DTNB: variants seen among roughly 807,000 people sequenced by gnomAD.
DTNB encodes the protein DTN-B.
DTNB carries 63 observed loss-of-function variants against 90.7 expected under a neutral mutation model. The observed-to-expected ratio is 0.69, with a 90% CI of 0.57 to 0.86. The LOEUF is 0.86. DTNB is among the 40% of genes least tolerant of loss of function. The pLI, the probability that DTNB is intolerant of heterozygous loss-of-function variation, is 0.00. For missense variants in DTNB, 744 were observed against 807.1 expected, an observed-to-expected ratio of 0.92 and a Z score of 0.95; for synonymous variants, 277 against 286.7, an observed-to-expected ratio of 0.97 and a Z score of 0.34.
chr2:25,576,122 T>C (rs1227941189), intron 8 of DTNB, among the ~76,000 whole-genome samples: 4 of 151,962 alleles, frequency 2.6e-5, no homozygotes, highest in Non-Finnish European at 5.9e-5. Flanking sequence ...ATTTAAACCC[T>C]ATAAAAGTGA....
chr2:25,541,434 A>G, intron 8 of DTNB, among the ~76,000 whole-genome samples: 1 of 152,194 alleles, frequency 6.6e-6, no homozygotes, highest in Non-Finnish European at 1.5e-5. Flanking sequence ...GTGAGCTGAG[A>G]TCACACCACC....
intron 5 of DTNB, among the ~76,000 whole-genome samples, chr2:25,597,666 T>C (rs989477593): frequency 1.3e-5 from 2 of 152,110 alleles, no homozygotes; most frequent in Non-Finnish European, 2.9e-5. Flanking sequence ...TAAATACCCA[T>C]ATGGGGGAAA....
At chr2:25,502,978 C>T (rs1575160261) in intron 9 of DTNB, among the ~76,000 whole-genome samples, 2 of 138,740 alleles carry the variant, frequency 1.4e-5, no homozygotes, top group Admixed American at 7.8e-5. Flanking sequence ...CACCTGAGCC[C>T]GGGAGGGCAA....
intron 19 of DTNB, among the ~76,000 whole-genome samples, chr2:25,381,057 A>C (rs2149493357): frequency 6.6e-6 from 1 of 152,326 alleles, no homozygotes. Flanking sequence ...GGTGGAGTGA[A>C]AAGGACTGAG....
chr2:25,555,113 G>A (rs1362914959), intron 8 of DTNB, among the ~76,000 whole-genome samples: 4 of 151,868 alleles, frequency 2.6e-5, no homozygotes, highest in Non-Finnish European at 5.9e-5. Flanking sequence ...TGGCTAACAC[G>A]ATGAAACCCT....
intron 18 of DTNB, among the ~76,000 whole-genome samples, chr2:25,385,728 C>A (rs2039288093): frequency 6.6e-6 from 1 of 152,226 alleles, no homozygotes; most frequent in African/African-American, 2.4e-5. Flanking sequence ...AATTACACTA[C>A]ATAATTTTGT....
chr2:25,497,778 A>C (rs2150529567), intron 9 of DTNB: 1 of 152,262 alleles, frequency 6.6e-6, no homozygotes, highest in South Asian at 2.1e-4. Flanking sequence ...TCATGTAGTC[A>C]ATAGCTCCTA....
intron 9 of DTNB, among the ~76,000 whole-genome samples, chr2:25,504,618 G>C (rs1376995976): frequency 1.3e-5 from 2 of 148,928 alleles, no homozygotes; most frequent in African/African-American, 4.9e-5. Flanking sequence ...GGAAGGAAAA[G>C]ATGGAAGGAA....
intron 8 of DTNB, among the ~76,000 whole-genome samples, chr2:25,532,705 A>G (rs1351853278): frequency 6.6e-6 from 1 of 152,198 alleles, no homozygotes; most frequent in Non-Finnish European, 1.5e-5. Context: ...CTGTTATCTG[A>G]GATTTTCTTG....
chr2:25,421,011 A>G (rs953636944), intron 15 of DTNB: 1 of 152,156 alleles, frequency 6.6e-6, no homozygotes, highest in Non-Finnish European at 1.5e-5. Context: ...GTGGTCAGGG[A>G]GACTCAGCTC....
At chr2:25,377,886 C>A (rs962271892) in intron 20 of DTNB, among the ~76,000 whole-genome samples, 1 of 152,190 alleles carries the variant, frequency 6.6e-6, no homozygotes, top group Admixed American at 6.5e-5. Flanking sequence ...CAGCCCCCGG[C>A]CAGCAGAGCG....
chr2:25,493,603 C>A (rs1204606317), intron 9 of DTNB, among the ~76,000 whole-genome samples: 1 of 152,206 alleles, frequency 6.6e-6, no homozygotes, highest in Non-Finnish European at 1.5e-5. Flanking sequence ...CAAAGTTACA[C>A]AATTTCTCAC....
chr2:25,606,408 G>A (rs1469490295), intron 5 of DTNB, among the ~76,000 whole-genome samples: 1 of 152,162 alleles, frequency 6.6e-6, no homozygotes, highest in Non-Finnish European at 1.5e-5. Context: ...GCACAGGGGA[G>A]CACAATCACA....
In DTNB at chr2:25,432,885, C is replaced by T. The variant is rs777580586; in HGVS notation, c.1457+1G>A. ...GCAAGTGGTAGAGTGTCCCTACTCA[C>T]CTCAGCAGCCGCAGCTCTGCCAGCA... On this transcript the variant is annotated splice_donor_variant, in intron 14 of 20. Coordinates refer to ENST00000406818, the MANE Select transcript of DTNB (RefSeq NM_021907.5). LOFTEE classifies it high-confidence loss of function. 5 of 1,595,484 alleles carry T rather than the reference C, an allele frequency of 3.1e-6. No individual in the cohort carries two copies. The highest frequency in any genetic ancestry group is 1.7e-5 in the Admixed American group (1 of 57,496).
chr2:25,656,549 A>G (rs1195480813), intron 1 of DTNB, among the ~76,000 whole-genome samples: 6 of 152,184 alleles, frequency 3.9e-5, no homozygotes, highest in Non-Finnish European at 7.4e-5. Context: ...CACTAACTCT[A>G]ATTTCAAACC....
chr2:25,440,121 G>A (rs947598685), intron 12 of DTNB, among the ~76,000 whole-genome samples: 1 of 152,152 alleles, frequency 6.6e-6, no homozygotes, highest in Non-Finnish European at 1.5e-5. Flanking sequence ...AAAGCTGAAG[G>A]CCTCTTAATT....
At chr2:25,439,869 CTTA>C (rs1482159619) in intron 12 of DTNB, among the ~76,000 whole-genome samples, 1 of 152,150 alleles carries the variant, frequency 6.6e-6, no homozygotes, top group African/African-American at 2.4e-5. Flanking sequence ...ATCTAATAAA[CTTA>C]TTATACACCT....
chr2:25,556,047 A>G (rs1401257919), intron 8 of DTNB, among the ~76,000 whole-genome samples: 1 of 151,988 alleles, frequency 6.6e-6, no homozygotes, highest in African/African-American at 2.4e-5. Flanking sequence ...ATAAAATAAA[A>G]TAGATCTTTC....
chr2:25,379,611 G>T (rs769002206), intron 19 of DTNB: 1 of 358,656 alleles, frequency 2.8e-6, no homozygotes, highest in Non-Finnish European at 5.0e-6. Context: ...AGTTACATGA[G>T]GGGGGCAAAG....
Sources: allele counts gnomAD v4.1 joint callset (sites outside exome capture counted in the v4.1 genomes callset), GRCh38; gene constraint gnomAD v4.1.1; transcripts MANE v1.5; gene names NCBI Gene and HGNC (gene_info 2026-07-23, HGNC 2026-07-21).